Variants in TPRA1 observed in about 807,000 individuals in gnomAD.
The protein encoded by TPRA1 is transmembrane protein adipocyte associated 1.
A neutral mutation model predicts 40.1 loss-of-function variants in TPRA1; 28 were observed. The observed-to-expected ratio is 0.70, with a 90% CI of 0.52 to 0.96. The LOEUF is 0.96. Ranked by LOEUF, TPRA1 falls within the 40% of genes least tolerant of loss-of-function variation. The probability of loss-of-function intolerance (pLI) is 0.00; values close to 1 mark genes in which losing one functional copy is unlikely to be tolerated. For missense variants in TPRA1, 441 were observed against 482.6 expected (o/e 0.91, Z 0.81); for synonymous variants, 219 against 209.7 (o/e 1.04, Z -0.38).
intron 1 of TPRA1, among the ~76,000 whole-genome samples, chr3:127,590,043 C>T (rs141163429): frequency 0.04 from 6,155 of 152,268 alleles, 349 homozygotes; most frequent in African/African-American, 0.12. Flanking sequence ...TCGGCCGCTG[C>T]GGGCAGCCAC....
rs1163065087 is a variant in TPRA1, at chr3:127,584,447, TAAAAAAAAAAAAAAAA to T, written c.-17-4300_-17-4285del. Among the ~76,000 whole-genome samples, 28 of 20,868 alleles carry T rather than the reference TAAAAAAAAAAAAAAAA, an allele frequency of 1.3e-3. No homozygotes were observed. The East Asian group carries it at 0.024, about 18-fold the overall frequency. The allele number at this position is 20,868 out of a possible 152,430, so 13.7% of individuals were successfully genotyped here. ...CTGGGCCACAGAGTGAGACCCTGTCTAAAAAAAAAAAAAAAAAAAAAAAAAAAAAAAAAGAAGCAAA... is the reference window on the plus strand; with the variant it reads ...CTGGGCCACAGAGTGAGACCCTGTCTAAAAAAAAAAAAAAAAAGAAGCAAA... On this transcript the variant is annotated intron_variant, in intron 1 of 10. Transcript: ENST00000355552.
At chr3:127,593,151 G>C (rs971550331), upstream of TPRA1, among the ~76,000 whole-genome samples, 1 of 152,202 alleles carries the variant, frequency 6.6e-6, no homozygotes, top group African/African-American at 2.4e-5. Flanking sequence ...TTTGAGAGCT[G>C]AGGCAGTGGC....
chr3:127,582,559 A>G (rs939714615), intron 1 of TPRA1, among the ~76,000 whole-genome samples: 14 of 151,990 alleles, frequency 9.2e-5, no homozygotes, highest in Admixed American at 9.2e-4. Flanking sequence ...AAAATTAGCC[A>G]GGCATGGTGG....
At chr3:127,597,397 C>T (rs2074254995) in intron 1 of TPRA1, among the ~76,000 whole-genome samples, 1 of 152,242 alleles carries the variant, frequency 6.6e-6, no homozygotes, top group Non-Finnish European at 1.5e-5. Flanking sequence ...ACGTCTCACC[C>T]TGCTCAAAAT....
chr3:127,585,314 G>A (rs2073966460), intron 1 of TPRA1, among the ~76,000 whole-genome samples: 1 of 152,138 alleles, frequency 6.6e-6, no homozygotes, highest in Non-Finnish European at 1.5e-5. Flanking sequence ...CTGTCCCAAG[G>A]GCAAAAAACA....
upstream of TPRA1, chr3:127,591,960 CAG>C (rs1203275343): frequency 2.0e-5 from 3 of 152,262 alleles, no homozygotes. Flanking sequence ...CCTAAAAACA[CAG>C]GGAGATTGGG....
At chr3:127,590,123 C>G (rs577914470) in intron 1 of TPRA1, among the ~76,000 whole-genome samples, 2 of 152,314 alleles carry the variant, frequency 1.3e-5, no homozygotes, top group East Asian at 3.9e-4. Context: ...TCCACCCGCA[C>G]TGCCTCCAGC....
At chr3:127,582,290 G>A (rs1002088368) in intron 1 of TPRA1, among the ~76,000 whole-genome samples, 5 of 152,190 alleles carry the variant, frequency 3.3e-5, no homozygotes, top group African/African-American at 7.2e-5. Context: ...GGACAGCAGG[G>A]TGTAGTGACT....
At chr3:127,594,441 G>A (rs2074222892), upstream of TPRA1, among the ~76,000 whole-genome samples, 1 of 152,180 alleles carries the variant, frequency 6.6e-6, no homozygotes, top group African/African-American at 2.4e-5. Context: ...ACCCCCTAGG[G>A]TTCTGGAGCA....
At chr3:127,575,915 C>T (rs757448510) in intron 7 of TPRA1, 25 bp downstream of exon 7, 3 of 1,613,138 alleles carry the variant, frequency 1.9e-6, no homozygotes, top group Non-Finnish European at 2.5e-6. Context: ...CCCAGCCACC[C>T]CAGCTGCCCC....
At chr3:127,585,777 T>G (rs1380608846) in intron 1 of TPRA1, among the ~76,000 whole-genome samples, 7 of 152,226 alleles carry the variant, frequency 4.6e-5, no homozygotes, top group East Asian at 3.9e-4. Context: ...TCAGGATCCC[T>G]CCATAAAACC....
chr3:127,584,301 T>C (rs1359017952), intron 1 of TPRA1, among the ~76,000 whole-genome samples: 1 of 146,470 alleles, frequency 6.8e-6, no homozygotes, highest in African/African-American at 2.5e-5. Flanking sequence ...ACTAGCCAGG[T>C]ATGGTGGTGC....
intron 1 of TPRA1, among the ~76,000 whole-genome samples, chr3:127,587,585 T>G (rs1364259176): frequency 6.6e-6 from 1 of 151,766 alleles, no homozygotes; most frequent in Admixed American, 6.6e-5. Flanking sequence ...GGACAACATC[T>G]GCCTAATAAG....
Position 127,576,625 on chromosome 3 carries a change from C to A in TPRA1, c.490G>T (p.Val164Phe). The change falls in exon 6 of 11, where the codon GTC becomes TTC. Residue 164 changes from valine to phenylalanine, a missense_variant. Transcript: ENST00000355552. The surrounding 1 kb of genome is among the most constrained non-coding windows in gnomAD (Gnocchi z 4.6). ...CACACTCACCCTCTTACCTGGGTGACAGAGTAGGCCAGGGACAGCACTGTG... is the reference window on the plus strand; with the variant it reads ...CACACTCACCCTCTTACCTGGGTGAAAGAGTAGGCCAGGGACAGCACTGTG... ...ITTVLSLAYS[V>F]TQGTLEILYP... The A allele has an allele frequency of 6.2e-7, 1 of 1,605,948 alleles. No individual in the cohort carries two copies. The highest frequency in any genetic ancestry group is 8.5e-7 in the Non-Finnish European group (1 of 1,176,204).
chr3:127,584,234 G>A (rs1435603178), intron 1 of TPRA1, among the ~76,000 whole-genome samples: 2 of 150,656 alleles, frequency 1.3e-5, no homozygotes, highest in Non-Finnish European at 3.0e-5. Context: ...GAGCCCAGGA[G>A]TTTGAGACCA....
rs886734889 is a variant in TPRA1, at chr3:127,575,802, G to C, written c.617C>G (p.Ser206Cys). The C allele has an allele frequency of 6.2e-7, 1 of 1,613,826 alleles. No individual in the cohort carries two copies. The highest frequency in any genetic ancestry group is 2.2e-5 in the East Asian group (1 of 44,872). ...VSSCFFFLVY[S>C]LVVILPKTPL... ...GGTCTTGGGAAGGATGACCACCAGA[G>C]AGTAGACCTACAGAGACAGGCAGGG... is the stretch of plus-strand genomic sequence containing the variant. The change falls in exon 8 of 11, where the codon TCT (serine) becomes TGT (cysteine). Residue 206 changes from serine to cysteine, a missense_variant. Ser to Cys is a moderately radical substitution (Grantham distance 112). Coordinates refer to ENST00000355552, the MANE Select transcript of TPRA1 (RefSeq NM_001136053.4).
At chr3:127,596,915 G>T (rs539647433) in intron 1 of TPRA1, among the ~76,000 whole-genome samples, 11 of 152,200 alleles carry the variant, frequency 7.2e-5, no homozygotes, top group Non-Finnish European at 1.2e-4. Flanking sequence ...AGGAGTTGGA[G>T]ACCAGCCTAG....
intron 1 of TPRA1, among the ~76,000 whole-genome samples, chr3:127,588,547 A>G (rs2074071907): frequency 6.6e-6 from 1 of 151,154 alleles, no homozygotes; most frequent in African/African-American, 2.4e-5. Flanking sequence ...CAGCCTCCTG[A>G]GTAGCTGGGA....
intron 3 of TPRA1, among the ~76,000 whole-genome samples, chr3:127,579,487 G>A (rs1279124746): frequency 2.0e-5 from 3 of 152,088 alleles, no homozygotes; most frequent in Non-Finnish European, 1.5e-5. Context: ...CAGCAAACAG[G>A]CACTGTTTGC....
Sources: allele counts gnomAD v4.1 joint callset (sites outside exome capture counted in the v4.1 genomes callset), GRCh38; gene constraint gnomAD v4.1.1; non-coding constraint Gnocchi (gnomAD v3.1); transcripts MANE v1.5; gene names NCBI Gene and HGNC (gene_info 2026-07-23, HGNC 2026-07-21).